IGSF10: variants seen among roughly 807,000 people sequenced by gnomAD.
IGSF10 encodes calvaria mechanical force protein 608.
In IGSF10, 126 loss-of-function variants were observed where a neutral mutation model predicts 128.2. The observed-to-expected ratio is 0.98, with a 90% CI of 0.85 to 1.14. The LOEUF (loss-of-function observed/expected upper bound fraction) is 1.14, where lower values mean the gene tolerates loss of function less well. Among genes scored for constraint, IGSF10 ranks in the 50% most tolerant of loss-of-function variants. The pLI is 0.00. For missense variants in IGSF10, 3,295 were observed against 3,149.8 expected (o/e 1.05, Z -1.10); for synonymous variants, 1,185 against 1,146.2 (o/e 1.03, Z -0.68).
At chr3:151,502,471 C>G in the IGSF10 span, among the ~76,000 whole-genome samples, 1 of 151,910 alleles carries the variant, frequency 6.6e-6, no homozygotes, top group Non-Finnish European at 1.5e-5. Context: ...ATTAGCTCCA[C>G]TAAAAAAGCA....
At position 151,436,868 on chromosome 3, in the gene IGSF10, G is replaced by GCATCTCCCA; in HGVS notation, c.7684_7692dup (p.Trp2562_Met2564dup). On this transcript the variant is annotated inframe_insertion, in exon 8 of 8. Transcript: ENST00000282466. ...GCCGTTGAGAGAAGGGAGTGGTCAG[G>GCATCTCCCA]CATCTCCCATGTGATTTCTGGCTTG... The GCATCTCCCA allele has an allele frequency of 6.2e-7, 1 of 1,614,114 alleles. No homozygotes were observed. The highest frequency in any genetic ancestry group is 2.2e-5 in the East Asian group (1 of 44,878).
the IGSF10 span, among the ~76,000 whole-genome samples, chr3:151,563,585 A>G: frequency 1.3e-5 from 2 of 152,308 alleles, no homozygotes; most frequent in African/African-American, 4.8e-5. Flanking sequence ...TCCTTCTGTT[A>G]GAATTATATC....
the IGSF10 span, among the ~76,000 whole-genome samples, chr3:151,607,411 A>C: frequency 7.9e-5 from 12 of 152,246 alleles, no homozygotes; most frequent in East Asian, 1.9e-3. Context: ...TTAAAAAAAA[A>C]CCACTAATAA....
In IGSF10 at chr3:151,447,959, T is replaced by C. The variant is rs778871700; in HGVS notation, c.2022A>G (p.Gly674=). The C allele has an allele frequency of 4.3e-6, 7 of 1,614,110 alleles. No individual in the cohort carries two copies. The highest frequency in any genetic ancestry group is 3.3e-5 in the South Asian group (3 of 91,070). Reference sequence around the variant, plus strand: ...CATCAAGTCCAGATCCCTCTGTTTCTCCATCATGCTCCAAGGGCCTTTGTC... The same window carrying C: ...CATCAAGTCCAGATCCCTCTGTTTCCCCATCATGCTCCAAGGGCCTTTGTC... ...MKGQRPLEHD[G]ETEGSGLDES... The change falls in exon 6 of 8, where the codon GGA becomes GGG. Residue 674 remains glycine (G), a synonymous_variant. Coordinates refer to ENST00000282466, the MANE Select transcript of IGSF10 (RefSeq NM_178822.5).
At chr3:151,598,753 A>G in the IGSF10 span, among the ~76,000 whole-genome samples, 1 of 152,224 alleles carries the variant, frequency 6.6e-6, no homozygotes, top group Non-Finnish European at 1.5e-5. Context: ...GAATCCACGA[A>G]TGTGGAACCC....
At chr3:151,539,133 C>T in the IGSF10 span, among the ~76,000 whole-genome samples, 1 of 152,126 alleles carries the variant, frequency 6.6e-6, no homozygotes, top group African/African-American at 2.4e-5. Flanking sequence ...AAATACAGAT[C>T]CCTAGAATTA....
the IGSF10 span, among the ~76,000 whole-genome samples, chr3:151,481,938 G>C: frequency 6.6e-6 from 1 of 152,090 alleles, no homozygotes; most frequent in Non-Finnish European, 1.5e-5. Flanking sequence ...CGCTAACATT[G>C]ATCACAGCCA....
the IGSF10 span, among the ~76,000 whole-genome samples, chr3:151,618,243 A>G: frequency 3.3e-5 from 5 of 152,090 alleles, no homozygotes; most frequent in African/African-American, 9.7e-5. Flanking sequence ...CAGTAACTGA[A>G]GCGCTGGCAC....
chr3:151,575,172 T>C, the IGSF10 span, among the ~76,000 whole-genome samples: 2 of 152,198 alleles, frequency 1.3e-5, no homozygotes, highest in African/African-American at 4.8e-5. Context: ...GGAAGGTGTC[T>C]CCCAGTTAGG....
At chr3:151,444,247 CA>C (rs74731196) in intron 6 of IGSF10, among the ~76,000 whole-genome samples, 242 of 142,772 alleles carry the variant, frequency 1.7e-3, no homozygotes, top group Non-Finnish European at 2.0e-3. Flanking sequence ...GGTGACAGAC[CA>C]AAAAAAAAAA....
the IGSF10 span, among the ~76,000 whole-genome samples, chr3:151,503,215 C>T: frequency 6.6e-6 from 1 of 151,882 alleles, no homozygotes; most frequent in African/African-American, 2.4e-5. Flanking sequence ...TCTTCAAGTA[C>T]AATGACCAGT....
At chr3:151,521,959 G>C in the IGSF10 span, among the ~76,000 whole-genome samples, 1 of 151,462 alleles carries the variant, frequency 6.6e-6, no homozygotes, top group African/African-American at 2.4e-5. Context: ...ACACTAGCTA[G>C]ACTACTAAGA....
At chr3:151,451,933 T>C (rs1035282527) in intron 5 of IGSF10, among the ~76,000 whole-genome samples, 4 of 152,206 alleles carry the variant, frequency 2.6e-5, no homozygotes, top group East Asian at 1.9e-4. Context: ...AATCAAAGAA[T>C]AGAAGATACC....
At chr3:151,532,639 A>G in the IGSF10 span, among the ~76,000 whole-genome samples, 1 of 152,220 alleles carries the variant, frequency 6.6e-6, no homozygotes, top group Non-Finnish European at 1.5e-5. Flanking sequence ...GCTTCATGCT[A>G]AAAACTCTCA....
chr3:151,566,851 G>A, the IGSF10 span, among the ~76,000 whole-genome samples: 1 of 152,314 alleles, frequency 6.6e-6, no homozygotes, highest in African/African-American at 2.4e-5. Context: ...GCTAACAGAG[G>A]TGGTGTAGTT....
chr3:151,508,389 T>G, the IGSF10 span, among the ~76,000 whole-genome samples: 2 of 152,246 alleles, frequency 1.3e-5, no homozygotes, highest in African/African-American at 4.8e-5. Flanking sequence ...AACAAAAATT[T>G]TGTGTAGCAT....
In IGSF10 at chr3:151,444,994, T is replaced by A. The variant is rs1402194851; in HGVS notation, c.4987A>T (p.Asn1663Tyr). The A allele has an allele frequency of 6.2e-7, 1 of 1,614,204 alleles. No homozygotes were observed. The highest frequency in any genetic ancestry group is 1.3e-5 in the African/African-American group (1 of 75,068). The stretch of plus-strand genomic sequence containing the variant: ...TCACAGGGAAGAAAGGCATCTGAGT[T>A]AGCTGGAATAGTAAAACTTGCAGCT... ...GKAASFTIPA[N>Y]SDAFLPCEAV... Residue 1663 changes from asparagine (N) to tyrosine (Y), a missense_variant, in exon 6 of 8, where the codon AAC (asparagine) becomes TAC (tyrosine). Coordinates refer to ENST00000282466, the MANE Select transcript of IGSF10 (RefSeq NM_178822.5).
the IGSF10 span, among the ~76,000 whole-genome samples, chr3:151,610,877 G>A: frequency 2.0e-5 from 3 of 152,100 alleles, no homozygotes; most frequent in Admixed American, 6.6e-5. Flanking sequence ...CTACTCTCTA[G>A]ATAATGGCAT....
At chr3:151,484,910 C>A in the IGSF10 span, among the ~76,000 whole-genome samples, 2 of 152,080 alleles carry the variant, frequency 1.3e-5, no homozygotes, top group African/African-American at 4.8e-5. Context: ...CAAAGGATCA[C>A]AACTCCTTGC....
Sources: allele counts gnomAD v4.1 joint callset (sites outside exome capture counted in the v4.1 genomes callset), GRCh38; gene constraint gnomAD v4.1.1; transcripts MANE v1.5; gene names NCBI Gene and HGNC (gene_info 2026-07-23, HGNC 2026-07-21).